GPC5: variants seen among roughly 807,000 people sequenced by gnomAD.
The protein encoded by GPC5 is glypican 5.
A neutral mutation model predicts 53.9 loss-of-function variants in GPC5; 47 were observed. The observed-to-expected ratio is 0.87, with a 90% CI of 0.69 to 1.11. The LOEUF is 1.11. GPC5 is among the 50% of genes most tolerant of loss of function. The pLI is 0.00. For synonymous variants in GPC5, 286 were observed against 263.3 expected (o/e 1.09, Z -0.84); for missense variants, 748 against 713.1 (o/e 1.05, Z -0.56).
At chr13:91,508,126 C>T (rs534387485) in intron 2 of GPC5, among the ~76,000 whole-genome samples, 21 of 152,096 alleles carry the variant, frequency 1.4e-4, no homozygotes, top group African/African-American at 4.1e-4. Flanking sequence ...ACCAAAATAC[C>T]TAATGTTTTC....
chr13:92,518,271 G>A (rs1029762636), intron 7 of GPC5, among the ~76,000 whole-genome samples: 4 of 152,074 alleles, frequency 2.6e-5, no homozygotes, highest in East Asian at 1.9e-4. Flanking sequence ...CAGGAGATAC[G>A]GAGGATGCCA....
chr13:92,025,140 T>C (rs2040790362), intron 6 of GPC5, among the ~76,000 whole-genome samples: 1 of 152,166 alleles, frequency 6.6e-6, no homozygotes, highest in Admixed American at 6.5e-5. Context: ...AAGCCCCCTT[T>C]TGGCCAGAAT....
chr13:92,516,859 G>A (rs931794524), intron 7 of GPC5, among the ~76,000 whole-genome samples: 1 of 152,140 alleles, frequency 6.6e-6, no homozygotes, highest in Non-Finnish European at 1.5e-5. Context: ...CCCACTGAGT[G>A]TGAGCCGAAG....
intron 1 of GPC5, among the ~76,000 whole-genome samples, chr13:91,438,963 G>T (rs898317885): frequency 6.6e-6 from 1 of 152,242 alleles, no homozygotes; most frequent in Non-Finnish European, 1.5e-5. Context: ...TCCGAGCCAG[G>T]TGCGGGATAT....
At chr13:92,182,856 G>A (rs543964420) in intron 7 of GPC5, among the ~76,000 whole-genome samples, 281 of 149,188 alleles carry the variant, frequency 1.9e-3, no homozygotes, top group African/African-American at 6.5e-3. Context: ...GCAACAGAGC[G>A]AGACTCCGTC....
At chr13:92,633,629 A>G (rs1885326882) in intron 7 of GPC5, among the ~76,000 whole-genome samples, 1 of 152,058 alleles carries the variant, frequency 6.6e-6, no homozygotes, top group South Asian at 2.1e-4. Context: ...TTTTTGTTAT[A>G]ATACTTTTCT....
intron 6 of GPC5, among the ~76,000 whole-genome samples, chr13:92,074,581 A>T (rs2041237986): frequency 6.6e-6 from 1 of 152,196 alleles, no homozygotes; most frequent in Non-Finnish European, 1.5e-5. Flanking sequence ...TTTATGTCAC[A>T]CTGTGATAAA....
chr13:91,482,221 G>A (rs1883341665), intron 2 of GPC5, among the ~76,000 whole-genome samples: 1 of 152,198 alleles, frequency 6.6e-6, no homozygotes, highest in Non-Finnish European at 1.5e-5. Flanking sequence ...GCTTGTAGGA[G>A]TGGATTTGCT....
chr13:92,443,895 T>C (rs1468609007), intron 7 of GPC5, among the ~76,000 whole-genome samples: 1 of 152,074 alleles, frequency 6.6e-6, no homozygotes, highest in Non-Finnish European at 1.5e-5. Context: ...CAAAGAAAAA[T>C]GTTCTTGATC....
chr13:92,608,273 T>A (rs1282528788), intron 7 of GPC5, among the ~76,000 whole-genome samples: 1 of 152,200 alleles, frequency 6.6e-6, no homozygotes, highest in Non-Finnish European at 1.5e-5. Context: ...TGTACGTTGT[T>A]ATTAACTGTT....
At chr13:92,637,112 T>G (rs1051199550) in intron 7 of GPC5, among the ~76,000 whole-genome samples, 1 of 152,186 alleles carries the variant, frequency 6.6e-6, no homozygotes, top group African/African-American at 2.4e-5. Flanking sequence ...ATTCTTAGTC[T>G]GGAATGTAGT....
intron 7 of GPC5, among the ~76,000 whole-genome samples, chr13:92,501,540 G>A (rs962231002): frequency 6.6e-6 from 1 of 152,066 alleles, no homozygotes; most frequent in African/African-American, 2.4e-5. Context: ...AAGACATAAA[G>A]GCTGAAAATT....
intron 7 of GPC5, among the ~76,000 whole-genome samples, chr13:92,644,339 T>C (rs1163301322): frequency 6.6e-6 from 1 of 152,142 alleles, no homozygotes; most frequent in African/African-American, 2.4e-5. Flanking sequence ...CAATGGAAAC[T>C]AGCAAAATTG....
In GPC5 at chr13:91,498,157, G is replaced by A. The variant is rs148949224; in HGVS notation, c.325+49235G>A. On this transcript the variant is annotated intron_variant, in intron 2 of 7. Transcript: ENST00000377067. ...AACCCACCCGCCGCCACACACACAC[G>A]CCTGGTTTTGTCTTGGCTGTTTGCT... 1.7e-3 allele frequency among the ~76,000 whole-genome samples: 251 copies of A among 147,510 alleles called. 1 individual carries two copies. The highest frequency in any genetic ancestry group is 2.7e-3 in the Non-Finnish European group (185 of 67,284).
At chr13:91,577,458 A>C (rs2032179567) in intron 2 of GPC5, among the ~76,000 whole-genome samples, 1 of 152,136 alleles carries the variant, frequency 6.6e-6, no homozygotes, top group Non-Finnish European at 1.5e-5. Flanking sequence ...GAAGAGCCCT[A>C]GGGTCTGTGG....
intron 2 of GPC5, among the ~76,000 whole-genome samples, chr13:91,461,543 T>C (rs1374812521): frequency 6.6e-6 from 1 of 152,146 alleles, no homozygotes; most frequent in South Asian, 2.1e-4. Flanking sequence ...GGAACGATAA[T>C]AGTACCTTCT....
At chr13:91,549,637 G>A (rs2030507275) in intron 2 of GPC5, among the ~76,000 whole-genome samples, 1 of 152,126 alleles carries the variant, frequency 6.6e-6, no homozygotes. Context: ...GCATACAGAT[G>A]ACAAATAAAC....
intron 6 of GPC5, among the ~76,000 whole-genome samples, chr13:92,050,536 T>A (rs2041019201): frequency 6.6e-6 from 1 of 152,148 alleles, no homozygotes; most frequent in Non-Finnish European, 1.5e-5. Flanking sequence ...CAGTGCCAAG[T>A]CCCTGAGTCC....
chr13:91,453,948 C>T (rs761210445), intron 2 of GPC5, among the ~76,000 whole-genome samples: 8 of 151,718 alleles, frequency 5.3e-5, no homozygotes, highest in Non-Finnish European at 8.8e-5. Context: ...CCTAATATGC[C>T]GACATATTTA....
Sources: gnomAD v4.1 joint callset for allele counts (sites outside exome capture counted in the v4.1 genomes callset) on GRCh38, gnomAD v4.1.1 for gene constraint, MANE v1.5 for transcripts, NCBI Gene and HGNC (gene_info 2026-07-23, HGNC 2026-07-21) for gene names.